Variants in SNX31 observed in about 807,000 individuals in gnomAD.
SNX31 encodes sorting nexin-31.
Under a neutral mutation model 65.4 loss-of-function variants are expected in SNX31, and 58 were observed. The ratio of observed to expected loss-of-function variants is 0.89; its 90% CI spans 0.72 to 1.10. SNX31 has a LOEUF of 1.10. SNX31 is among the 50% of genes least tolerant of loss of function. The probability of loss-of-function intolerance (pLI) is 0.00; values close to 1 mark genes in which losing one functional copy is unlikely to be tolerated. For missense variants in SNX31, 523 were observed against 529.7 expected, an observed-to-expected ratio of 0.99 and a Z score of 0.12; for synonymous variants, 181 against 190.1, an observed-to-expected ratio of 0.95 and a Z score of 0.39.
intron 1 of SNX31, among the ~76,000 whole-genome samples, chr8:100,655,756 C>G (rs560324913): frequency 7.2e-5 from 11 of 152,218 alleles, no homozygotes; most frequent in Non-Finnish European, 1.2e-4. Flanking sequence ...GGGAGGCAGC[C>G]TGATCTTTTG....
At chr8:100,661,695 T>A (rs1180420219) in intron 1 of SNX31, among the ~76,000 whole-genome samples, 125 of 32,844 alleles carry the variant, frequency 3.8e-3, no homozygotes, top group African/African-American at 0.033. Context: ...ACACGGCCAG[T>A]TTTTTTTTTT....
chr8:100,631,378 TAC>T (rs1818402770), intron 3 of SNX31, among the ~76,000 whole-genome samples: 3 of 152,028 alleles, frequency 2.0e-5, no homozygotes, highest in Admixed American at 2.0e-4. Context: ...CAGCTACACT[TAC>T]ATACTTACTA....
chr8:100,622,664 G>A lies in SNX31; in HGVS notation c.322-4934C>T, dbSNP rs549678487. ...AGACTCCCTCTCAAAAAATAAATAA[G>A]TAAATAAATAAATAAATAAATAAAT... On this transcript the variant is annotated intron_variant, in intron 4 of 13. Coordinates refer to ENST00000311812, the MANE Select transcript of SNX31 (RefSeq NM_152628.4). This position sits in a 1 kb window ranked among gnomAD's most constrained non-coding sequence, Gnocchi z 5.0. 3.3e-5 allele frequency among the ~76,000 whole-genome samples: 5 copies of A among 149,658 alleles called. No homozygotes were observed. The South Asian group carries it at 8.5e-4, about 25-fold the overall frequency.
Position 100,622,965 on chromosome 8 carries a change from T to C in SNX31, c.322-5235A>G, listed in dbSNP as rs1187564052. 6.6e-6 allele frequency among the ~76,000 whole-genome samples: 1 copy of C among 152,236 alleles called. No homozygotes were observed. Among genetic ancestry groups the C allele is most frequent in the Non-Finnish European group, 1.5e-5 (1 of 68,038 alleles). On this transcript the variant is annotated intron_variant, in intron 4 of 13. Coordinates refer to ENST00000311812, the MANE Select transcript of SNX31 (RefSeq NM_152628.4). This position sits in a 1 kb window ranked among gnomAD's most constrained non-coding sequence, Gnocchi z 5.0. ...CAGGATGGACAAATCAGTTGGCAGCTGCACTCACCTTCCTTCCACCTTCTA... is the reference window on the plus strand; with the variant it reads ...CAGGATGGACAAATCAGTTGGCAGCCGCACTCACCTTCCTTCCACCTTCTA...
chr8:100,577,469 C>T (rs756251337), intron 12 of SNX31, among the ~76,000 whole-genome samples: 27 of 152,170 alleles, frequency 1.8e-4, no homozygotes, highest in Non-Finnish European at 2.9e-4. Context: ...ATTAATCAAA[C>T]GAAGAATCAA....
intron 12 of SNX31, among the ~76,000 whole-genome samples, chr8:100,581,218 C>T (rs931715161): frequency 1.3e-5 from 2 of 151,258 alleles, no homozygotes; most frequent in East Asian, 3.9e-4. Context: ...AGGATCACCT[C>T]AGTCTGGGAA....
intron 4 of SNX31, among the ~76,000 whole-genome samples, chr8:100,623,910 C>A (rs6993829): frequency 0.017 from 2,487 of 150,326 alleles, 65 homozygotes; most frequent in African/African-American, 0.058. Context: ...GTCTTCAGGG[C>A]TGCTATAGGT....
rs190796626 is a variant in SNX31, at chr8:100,608,319, C to A, written c.681+175G>T. On this transcript the variant is annotated intron_variant, in intron 8 of 13. Coordinates refer to ENST00000311812, the MANE Select transcript of SNX31 (RefSeq NM_152628.4). ...ACTTGTACCCATCAAACAATAACAA[C>A]TTCTTCTCCACCCCCCACAGCCCCT... Among the ~76,000 whole-genome samples, 4 of 134,274 alleles carry A rather than the reference C, an allele frequency of 3.0e-5. No homozygotes were observed. In the East Asian group the frequency reaches 7.7e-4, roughly 26 times the overall value. The allele number at this position is 134,274 out of a possible 152,430, so 88.1% of individuals were successfully genotyped here. A position where few individuals can be genotyped will look rare whatever the true frequency, so the allele number is the denominator to read the frequency against.
intron 11 of SNX31, among the ~76,000 whole-genome samples, chr8:100,585,078 C>A (rs1044008080): frequency 1.3e-5 from 2 of 152,074 alleles, no homozygotes; most frequent in Non-Finnish European, 2.9e-5. Context: ...CTCATAGTCA[C>A]CTTCACTATC....
In SNX31 at chr8:100,609,129, G is replaced by T. The variant is rs927268033; in HGVS notation, c.612-566C>A. 6.6e-6 allele frequency among the ~76,000 whole-genome samples: 1 copy of T among 152,014 alleles called. No homozygotes were observed. Among genetic ancestry groups the T allele is most frequent in the African/African-American group, 2.4e-5 (1 of 41,384 alleles). ...TTCTACTCACTTTCAAGGCCCTTCC[G>T]GGGACCACCCCCACTTTCATTTCCA... On this transcript the variant is annotated intron_variant, in intron 7 of 13. Transcript: ENST00000311812. This position sits in a 1 kb window ranked among gnomAD's most constrained non-coding sequence, Gnocchi z 4.9.
Position 100,625,082 on chromosome 8 carries a change from A to T in SNX31, c.321+5245T>A, listed in dbSNP as rs1299555610. ...CACCTCAGCCCCCCAAAGTTCTGGG[A>T]TTACAGGTGTGAGCCACCACGTTTG... On this transcript the variant is annotated intron_variant, in intron 4 of 13. Transcript: ENST00000311812. This position sits in a 1 kb window ranked among gnomAD's most constrained non-coding sequence, Gnocchi z 4.2. Among the ~76,000 whole-genome samples the T allele has an allele frequency of 6.6e-6, 1 of 152,154 alleles. No homozygotes were observed. The highest frequency in any genetic ancestry group is 1.5e-5 in the Non-Finnish European group (1 of 68,034).
intron 8 of SNX31, among the ~76,000 whole-genome samples, chr8:100,602,324 G>A (rs367869149): frequency 2.2e-4 from 33 of 152,276 alleles, no homozygotes; most frequent in African/African-American, 7.9e-4. Context: ...AAAGGACATG[G>A]GATTTAGAGA....
intron 11 of SNX31, 126 bp from the exon 12 acceptor site, chr8:100,584,314 T>C: frequency 3.1e-6 from 2 of 636,708 alleles, no homozygotes; most frequent in Admixed American, 4.1e-5. Context: ...AATTTAGATT[T>C]CTTCATTAAC....
chr8:100,584,730 A>G (rs1241522708), intron 11 of SNX31, among the ~76,000 whole-genome samples: 1 of 137,560 alleles, frequency 7.3e-6, no homozygotes, highest in Non-Finnish European at 1.6e-5. Context: ...TCACTTTCTT[A>G]TTTTTCTTTT....
chr8:100,641,951 T>C (rs28587716), intron 2 of SNX31, among the ~76,000 whole-genome samples: 70,397 of 150,632 alleles, frequency 0.47, 16,597 homozygotes, highest in South Asian at 0.53. Flanking sequence ...TGGTGGCAGG[T>C]GCCTGTAGTC....
At chr8:100,639,494 C>T (rs1405284302) in intron 2 of SNX31, among the ~76,000 whole-genome samples, 3 of 152,148 alleles carry the variant, frequency 2.0e-5, no homozygotes, top group Non-Finnish European at 1.5e-5. Flanking sequence ...AAATGAATGG[C>T]AGATAGTGGG....
intron 1 of SNX31, among the ~76,000 whole-genome samples, chr8:100,656,007 T>C (rs1820047968): frequency 1.3e-5 from 2 of 152,148 alleles, no homozygotes; most frequent in African/African-American, 4.8e-5. Flanking sequence ...GTGGGAGGCC[T>C]GGGTGGCATC....
intron 3 of SNX31, among the ~76,000 whole-genome samples, chr8:100,632,225 G>C (rs899573503): frequency 8.5e-5 from 13 of 152,098 alleles, no homozygotes; most frequent in African/African-American, 3.1e-4. Context: ...GACCAGGCCT[G>C]GAAAAGCGAA....
intron 1 of SNX31, among the ~76,000 whole-genome samples, chr8:100,658,751 T>C (rs992665868): frequency 2.0e-5 from 3 of 152,184 alleles, no homozygotes; most frequent in African/African-American, 7.2e-5. Context: ...GCATGGCCAG[T>C]GTGGACTTTG....
Sources: allele counts gnomAD v4.1 joint callset (sites outside exome capture counted in the v4.1 genomes callset), GRCh38; gene constraint gnomAD v4.1.1; non-coding constraint Gnocchi (gnomAD v3.1); transcripts MANE v1.5; gene names NCBI Gene and HGNC (gene_info 2026-07-23, HGNC 2026-07-21).